The following SRGAP2 variants were observed in gnomAD, a reference collection of about 807,000 sequenced individuals.
SRGAP2 encodes the protein SLIT-ROBO Rho GTPase activating protein 2.
In SRGAP2, 15 loss-of-function variants were observed where a neutral mutation model predicts 57.2. The observed-to-expected ratio is 0.26, with a 90% CI of 0.18 to 0.40. The LOEUF (loss-of-function observed/expected upper bound fraction) is 0.40, where lower values mean the gene tolerates loss of function less well. Among genes scored for constraint, SRGAP2 ranks in the 10% least tolerant of loss-of-function variants. The pLI, the probability that SRGAP2 is intolerant of heterozygous loss-of-function variation, is 1.00. For missense variants in SRGAP2, 520 were observed against 669.6 expected (o/e 0.78, Z 2.47); for synonymous variants, 249 against 248.0 (o/e 1.00, Z -0.04).
chr1:206,384,679 C>T (rs1656026799), intron 5 of SRGAP2, among the ~76,000 whole-genome samples: 1 of 151,548 alleles, frequency 6.6e-6, no homozygotes, highest in Non-Finnish European at 1.5e-5. Context: ...TCTGAGATGA[C>T]TGGCGCTTCA....
intron 4 of SRGAP2, among the ~76,000 whole-genome samples, chr1:206,354,788 C>G (rs568111447): frequency 6.8e-6 from 1 of 147,768 alleles, no homozygotes; most frequent in Non-Finnish European, 1.5e-5. Flanking sequence ...TCCCTCCCCC[C>G]CTTCCTTCTC....
rs1295428538 is a variant in SRGAP2, at chr1:206,303,357, C to T, written c.144C>T (p.Asp48=). 4.6e-5 allele frequency: 68 copies of T among 1,482,458 alleles called. No homozygotes were observed. Among genetic ancestry groups the T allele is most frequent in the Admixed American group, 6.3e-5 (3 of 47,544 alleles). The allele number at this position is 1,482,458 out of a possible 1,614,324, so 91.8% of individuals were successfully genotyped here. Residue 48 remains aspartate, a synonymous_variant, in exon 3 of 23, where the codon GAC becomes GAT. Coordinates refer to ENST00000573034, the MANE Select transcript of SRGAP2 (RefSeq NM_015326.5). ...AGCTTCGGGTGCAACTGTTGCAGGA[C>T]CTCCAGGACTTCTTCCGAAAGAAGG... ...QCELRVQLLQ[D]LQDFFRKKAE... is the part of the protein sequence containing the mutation.
At chr1:206,446,460 G>C (rs773369693) in intron 18 of SRGAP2, among the ~76,000 whole-genome samples, 161 bp downstream of exon 18, 1 of 152,132 alleles carries the variant, frequency 6.6e-6, no homozygotes, top group Non-Finnish European at 1.5e-5. Context: ...CCCCCACCTC[G>C]GCCCCACCCA....
chr1:206,438,028 G>A lies in SRGAP2; in HGVS notation c.1698G>A (p.Lys566=), dbSNP rs1553370638. 7 of 780,788 alleles carry A rather than the reference G, an allele frequency of 9.0e-6. No homozygotes were observed. The highest frequency in any genetic ancestry group is 1.7e-5 in the African/African-American group (1 of 59,158). The allele number at this position is 780,788 out of a possible 1,614,324, so 48.4% of individuals were successfully genotyped here. ...HDMDSIAGVL[K]LYFRGLEHPL... is the part of the protein sequence containing the mutation. The stretch of plus-strand genomic sequence containing the variant: ...TGGATTCCATAGCTGGTGTCCTGAA[G>A]CTTTACTTCCGGGGGCTGGAACACC... Residue 566 remains lysine, a synonymous_variant, in exon 16 of 23, where the codon AAG becomes AAA. Transcript: ENST00000573034.
chr1:206,454,056 GTT>G lies in SRGAP2; in HGVS notation c.2360+678_2360+679del. On this transcript the variant is annotated intron_variant, in intron 20 of 22. Transcript: ENST00000573034. The surrounding 1 kb of genome is among the most constrained non-coding windows in gnomAD (Gnocchi z 4.3). The stretch of plus-strand genomic sequence containing the variant: ...GCCCACCCAAGCCTGCCCCCTGTCC[GTT>G]TGCCCTGTCTCTGTCCCCAGCTCCC... The G allele has an allele frequency of 1.4e-6, 1 of 698,102 alleles. No homozygotes were observed. Among genetic ancestry groups the G allele is most frequent in the Non-Finnish European group, 2.6e-6 (1 of 382,412 alleles). The allele number at this position is 698,102 out of a possible 1,614,324, so 43.2% of individuals were successfully genotyped here.
intron 2 of SRGAP2, among the ~76,000 whole-genome samples, chr1:206,295,274 A>G (rs1159632277): frequency 1.4e-4 from 21 of 152,058 alleles, no homozygotes; most frequent in Middle Eastern, 6.8e-3. Context: ...CCCAGGCTGG[A>G]GTGCAATGGT....
intron 7 of SRGAP2, among the ~76,000 whole-genome samples, chr1:206,398,456 T>G (rs1473354816): frequency 7.9e-5 from 12 of 152,094 alleles, no homozygotes; most frequent in Non-Finnish European, 1.8e-4. Flanking sequence ...AGAATAGTTA[T>G]ATAAACAGAG....
At chr1:206,453,848 C>T (rs1553377158) in intron 20 of SRGAP2, 4 of 342,912 alleles carry the variant, frequency 1.2e-5, no homozygotes, top group African/African-American at 2.1e-5. Flanking sequence ...AGGAGAAATC[C>T]GGCTTAAGCA....
intron 3 of SRGAP2, among the ~76,000 whole-genome samples, chr1:206,341,997 C>CAA (rs1179718649): frequency 6.9e-6 from 1 of 145,592 alleles, no homozygotes; most frequent in Non-Finnish European, 1.5e-5. Flanking sequence ...GACTTTGTCT[C>CAA]AAAAAAAAAA....
Position 206,454,884 on chromosome 1 carries a change from C to T in SRGAP2, c.2367C>T (p.Asp789=), listed in dbSNP as rs782560820. Residue 789 remains aspartate, a synonymous_variant, in exon 21 of 23, where the codon GAC becomes GAT. Coordinates refer to ENST00000573034, the MANE Select transcript of SRGAP2 (RefSeq NM_015326.5). This position sits in a 1 kb window ranked among gnomAD's most constrained non-coding sequence, Gnocchi z 4.3. ...HQYIVVQDTE[D]GVVERSSPKS... The stretch of plus-strand genomic sequence containing the variant: ...CCTGCCCCTTCTCCCCCAGCGAGGA[C>T]GGTGTCGTGGAGAGGTCCAGCCCCA... The T allele has an allele frequency of 3.4e-5, 26 of 766,246 alleles. No individual in the cohort carries two copies. The highest frequency in any genetic ancestry group is 1.7e-4 in the African/African-American group (10 of 58,784). The allele number at this position is 766,246 out of a possible 1,614,324, so 47.5% of individuals were successfully genotyped here. A position where few individuals can be genotyped will look rare whatever the true frequency, so the allele number is the denominator to read the frequency against.
At chr1:206,345,964 G>T (rs1276171040) in intron 4 of SRGAP2, among the ~76,000 whole-genome samples, 1 of 151,378 alleles carries the variant, frequency 6.6e-6, no homozygotes, top group Non-Finnish European at 1.5e-5. Flanking sequence ...TTCTCTTTTG[G>T]CTGGGTAAAG....
chr1:206,455,533 C>T (rs1553378120), intron 21 of SRGAP2: 1 of 166,702 alleles, frequency 6.0e-6, no homozygotes, highest in Non-Finnish European at 1.3e-5. Flanking sequence ...TCTGTTCCTC[C>T]CCCTGTCCTG....
At chr1:206,383,186 G>A (rs1215213300) in intron 4 of SRGAP2, among the ~76,000 whole-genome samples, 4 of 146,656 alleles carry the variant, frequency 2.7e-5, no homozygotes, top group Non-Finnish European at 6.0e-5. Flanking sequence ...CATCAGGCCC[G>A]GCTAATTTTT....
intron 10 of SRGAP2, among the ~76,000 whole-genome samples, chr1:206,410,116 A>G (rs1418128912): frequency 3.9e-5 from 6 of 152,172 alleles, no homozygotes; most frequent in Admixed American, 2.6e-4. Context: ...CGATCAATCA[A>G]TCAATCAGTA....
At chr1:206,432,527 T>C (rs1572141079) in intron 14 of SRGAP2, among the ~76,000 whole-genome samples, 1 of 152,308 alleles carries the variant, frequency 6.6e-6, no homozygotes. Context: ...ACAACCTAAA[T>C]GCCCATACAT....
intron 19 of SRGAP2, among the ~76,000 whole-genome samples, chr1:206,451,733 A>C (rs143208525): frequency 1.6e-4 from 24 of 152,282 alleles, no homozygotes; most frequent in African/African-American, 5.1e-4. Context: ...TATATATGTT[A>C]TCTCTTAATC....
chr1:206,458,416 A>T (rs782068285), intron 21 of SRGAP2: 1 of 710,564 alleles, frequency 1.4e-6, no homozygotes, highest in South Asian at 1.5e-5. Context: ...CCAAGTAAGT[A>T]TCCATTTCTC....
At chr1:206,256,767 A>G (rs1285781053) in intron 2 of SRGAP2, among the ~76,000 whole-genome samples, 16 of 152,238 alleles carry the variant, frequency 1.1e-4, no homozygotes, top group South Asian at 2.1e-4. Flanking sequence ...AGTTAGATTC[A>G]GAGTTATAAG....
chr1:206,393,950 A>T (rs1553352457), intron 7 of SRGAP2, among the ~76,000 whole-genome samples: 2 of 139,226 alleles, frequency 1.4e-5, no homozygotes, highest in South Asian at 2.5e-4. Context: ...TTAACAAATG[A>T]CAGAGGCAAA....
Sources: allele counts gnomAD v4.1 joint callset (sites outside exome capture counted in the v4.1 genomes callset), GRCh38; gene constraint gnomAD v4.1.1; non-coding constraint Gnocchi (gnomAD v3.1); transcripts MANE v1.5; gene names NCBI Gene and HGNC (gene_info 2026-07-23, HGNC 2026-07-21).